TMEM106B: variants seen among roughly 807,000 people sequenced by gnomAD.
The protein encoded by TMEM106B is transmembrane protein 106B.
A neutral mutation model predicts 31.1 loss-of-function variants in TMEM106B; 15 were observed. The observed-to-expected ratio is 0.48, with a 90% CI of 0.32 to 0.74. The LOEUF (loss-of-function observed/expected upper bound fraction) is 0.74. Ranked by LOEUF, TMEM106B falls within the 30% of genes least tolerant of loss-of-function variation. The pLI, the probability that TMEM106B is intolerant of heterozygous loss-of-function variation, is 0.03. For missense variants in TMEM106B, 283 were observed against 327.3 expected, an observed-to-expected ratio of 0.86 and a Z score of 1.04; for synonymous variants, 126 against 112.5, an observed-to-expected ratio of 1.12 and a Z score of -0.76.
chr7:12,221,977 A>AT (rs1781798177), intron 3 of TMEM106B, among the ~76,000 whole-genome samples: 2 of 152,226 alleles, frequency 1.3e-5, no homozygotes, highest in Admixed American at 1.3e-4. Context: ...TTGTAATAAA[A>AT]TTATAATATT....
In TMEM106B at chr7:12,234,516, G is replaced by A. The variant is rs964218707; in HGVS notation, c.*2541G>A. On this transcript the variant is annotated 3_prime_UTR_variant, in exon 8 of 8. Transcript: ENST00000396668. ...AAACACACATTCAGGTGAAGCAGAA[G>A]TATAGCCATAAAACATCTAGAAAGA... 1.3e-5 allele frequency: 2 copies of A among 151,974 alleles called. No individual in the cohort carries two copies. The highest frequency in any genetic ancestry group is 2.1e-4 in the South Asian group (1 of 4,830). The allele number at this position is 151,974 out of a possible 1,614,324, so 9.4% of individuals were successfully genotyped here.
In TMEM106B at chr7:12,239,278, A is replaced by T. The variant is rs1019415422; in HGVS notation, c.*7303A>T. On this transcript the variant is annotated 3_prime_UTR_variant, in exon 8 of 8. Coordinates refer to ENST00000396668, the MANE Select transcript of TMEM106B (RefSeq NM_001134232.2). ...CCTCATCTCTCTCAGCCTTCATAGA[A>T]TTGAAGCGTGTTAGGGCTTTGTTCA... 7 of 152,142 alleles carry T rather than the reference A, an allele frequency of 4.6e-5. No individual in the cohort carries two copies. The highest frequency in any genetic ancestry group is 4.6e-4 in the Admixed American group (7 of 15,262). The allele number at this position is 152,142 out of a possible 1,614,324, so 9.4% of individuals were successfully genotyped here. A position where few individuals can be genotyped will look rare whatever the true frequency, so the allele number is the denominator to read the frequency against.
intron 2 of TMEM106B, among the ~76,000 whole-genome samples, chr7:12,216,403 G>C (rs190495967): frequency 6.6e-6 from 1 of 151,972 alleles, no homozygotes; most frequent in Non-Finnish European, 1.5e-5. Flanking sequence ...TTATTTGAGT[G>C]TATATGTCAC....
chr7:12,212,937 A>G (rs1781609040), intron 1 of TMEM106B, among the ~76,000 whole-genome samples: 2 of 152,256 alleles, frequency 1.3e-5, no homozygotes, highest in Non-Finnish European at 2.9e-5. Flanking sequence ...CAAATTTAGA[A>G]GGAGTATAAT....
chr7:12,214,796 T>A lies in TMEM106B; in HGVS notation c.-2-13T>A. 6.3e-7 allele frequency: 1 copy of A among 1,584,176 alleles called. No homozygotes were observed. The highest frequency in any genetic ancestry group is 8.6e-7 in the Non-Finnish European group (1 of 1,165,620). ...TCCCTGAAGTTTACTGTAAGATTTT[T>A]ATTTTTCTTTAGACATGGGAAAGTC... is the stretch of plus-strand genomic sequence containing the variant. On this transcript the variant is annotated splice_polypyrimidine_tract_variant and intron_variant, in intron 1 of 7. Transcript: ENST00000396668.
chr7:12,214,322 G>A (rs974632509), intron 1 of TMEM106B: 1 of 152,798 alleles, frequency 6.5e-6, no homozygotes, highest in Non-Finnish European at 1.5e-5. Context: ...TAGATAATCA[G>A]AACCTTGGCT....
intron 2 of TMEM106B, among the ~76,000 whole-genome samples, chr7:12,216,695 A>G (rs1407916051): frequency 6.6e-6 from 1 of 152,182 alleles, no homozygotes; most frequent in East Asian, 1.9e-4. Flanking sequence ...GAGAAAGAAA[A>G]GTTAGAATGA....
In TMEM106B at chr7:12,229,629, T is replaced by C. The variant is rs1223400756; in HGVS notation, c.442-50T>C. ...AAGTTACTTTAATTTTAAATACATATTTGTATATTTTTAGCTAACTTGTAA... is the reference window on the plus strand; with the variant it reads ...AAGTTACTTTAATTTTAAATACATACTTGTATATTTTTAGCTAACTTGTAA... On this transcript the variant is annotated intron_variant, in intron 4 of 7. Transcript: ENST00000396668. 2.9e-6 allele frequency: 4 copies of C among 1,371,172 alleles called. No homozygotes were observed. The African/African-American group carries it at 6.0e-5, about 20-fold the overall frequency. 84.9% of individuals were successfully genotyped at this position (1,371,172 alleles called of 1,614,324 possible).
At chr7:12,225,459 G>A (rs1210874520) in intron 4 of TMEM106B, among the ~76,000 whole-genome samples, 1 of 152,146 alleles carries the variant, frequency 6.6e-6, no homozygotes, top group African/African-American at 2.4e-5. Context: ...CTTCCACAAT[G>A]GTTGAACTAG....
In TMEM106B at chr7:12,236,939, G is replaced by T. The variant is rs2128529301; in HGVS notation, c.*4964G>T. 6.6e-6 allele frequency: 1 copy of T among 152,016 alleles called. No homozygotes were observed. The highest frequency in any genetic ancestry group is 1.9e-4 in the East Asian group (1 of 5,178). 9.4% of individuals were successfully genotyped at this position (152,016 alleles called of 1,614,324 possible). ...GACTTGGTCAGATATTTGAATGATG[G>T]TATTACCTAGATTCTAATCCTTGAT... On this transcript the variant is annotated 3_prime_UTR_variant, in exon 8 of 8. Transcript: ENST00000396668.
chr7:12,214,586 C>G (rs1040041303), intron 1 of TMEM106B, among the ~76,000 whole-genome samples: 1 of 152,152 alleles, frequency 6.6e-6, no homozygotes, highest in African/African-American at 2.4e-5. Context: ...AATGTATAAT[C>G]AAGCTGTAAC....
In TMEM106B at chr7:12,237,996, T is replaced by G. The variant is rs986958312; in HGVS notation, c.*6021T>G. On this transcript the variant is annotated 3_prime_UTR_variant, in exon 8 of 8. Transcript: ENST00000396668. Reference sequence around the variant, plus strand: ...AGTTGGGGTGGCTATGGCAATTTCTTAAGACAACAATGAAGTTTATCACAT... The same window carrying G: ...AGTTGGGGTGGCTATGGCAATTTCTGAAGACAACAATGAAGTTTATCACAT... 2 of 152,218 alleles carry G rather than the reference T, an allele frequency of 1.3e-5. No individual in the cohort carries two copies. Among genetic ancestry groups the G allele is most frequent in the African/African-American group, 4.8e-5 (2 of 41,408 alleles). 9.4% of individuals were successfully genotyped at this position (152,218 alleles called of 1,614,324 possible).
At chr7:12,227,863 C>A (rs1781931895) in intron 4 of TMEM106B, among the ~76,000 whole-genome samples, 1 of 151,728 alleles carries the variant, frequency 6.6e-6, no homozygotes, top group African/African-American at 2.4e-5. Flanking sequence ...TCTTAATTCT[C>A]ATAAGGATTT....
At chr7:12,224,016 G>A (rs147286590) in intron 3 of TMEM106B, among the ~76,000 whole-genome samples, 134 of 152,194 alleles carry the variant, frequency 8.8e-4, no homozygotes, top group Admixed American at 2.7e-3. Flanking sequence ...ACCGCATCCC[G>A]CCGATTTCAT....
intron 1 of TMEM106B, among the ~76,000 whole-genome samples, chr7:12,211,922 A>C (rs1395923040): frequency 6.6e-6 from 1 of 152,202 alleles, no homozygotes; most frequent in African/African-American, 2.4e-5. Context: ...ATCCATGTTG[A>C]CTTTCAGTAA....
intron 3 of TMEM106B, among the ~76,000 whole-genome samples, chr7:12,222,009 T>C (rs1781798987): frequency 6.6e-6 from 1 of 152,220 alleles, no homozygotes; most frequent in Non-Finnish European, 1.5e-5. Context: ...TTTGGGTCTT[T>C]ATTTCTTTAC....
Position 12,229,668 on chromosome 7 carries a change from T to C in TMEM106B, c.442-11T>C, listed in dbSNP as rs1316963738. The C allele has an allele frequency of 3.9e-6, 6 of 1,521,458 alleles. No homozygotes were observed. The highest frequency in any genetic ancestry group is 1.3e-5 in the South Asian group (1 of 77,156). 94.2% of individuals were successfully genotyped at this position (1,521,458 alleles called of 1,614,324 possible). ...GCTAACTTGTAAATTTTCTGTGTCC[T>C]TTTTTTGTAGAACACACTAAATATA... is the stretch of plus-strand genomic sequence containing the variant. On this transcript the variant is annotated splice_polypyrimidine_tract_variant and intron_variant, in intron 4 of 7. Transcript: ENST00000396668.
rs1781746912 is a variant in TMEM106B at position 12,219,472 on chromosome 7, A to G, written c.281+951A>G. On this transcript the variant is annotated intron_variant, in intron 3 of 7. Transcript: ENST00000396668. The stretch of plus-strand genomic sequence containing the variant: ...GGAAAGGATTGCAACAAAGCATTAT[A>G]CAAATATACTTTTTAAGAAGTTGAA... 1.3e-5 allele frequency among the ~76,000 whole-genome samples: 2 copies of G among 152,200 alleles called. 1 individual carries two copies. Among genetic ancestry groups the G allele is most frequent in the South Asian group, 4.1e-4 (2 of 4,836 alleles).
intron 3 of TMEM106B, among the ~76,000 whole-genome samples, chr7:12,220,041 A>G (rs187278483): frequency 2.0e-5 from 3 of 152,200 alleles, no homozygotes; most frequent in African/African-American, 7.2e-5. Context: ...AAAAGGATCA[A>G]TTAATTTATA....
Sources: allele counts gnomAD v4.1 joint callset (sites outside exome capture counted in the v4.1 genomes callset), GRCh38; gene constraint gnomAD v4.1.1; transcripts MANE v1.5; gene names NCBI Gene and HGNC (gene_info 2026-07-23, HGNC 2026-07-21).